The following FKTN variants were observed in gnomAD, a reference collection of about 807,000 sequenced individuals.
FKTN encodes fukutin.
Under a neutral mutation model 58.6 loss-of-function variants are expected in FKTN, and 47 were observed. The observed-to-expected ratio is 0.80, with a 90% CI of 0.63 to 1.02. The LOEUF (loss-of-function observed/expected upper bound fraction) is 1.02, where lower values mean the gene tolerates loss of function less well. Ranked by LOEUF, FKTN falls within the 50% of genes least tolerant of loss-of-function variation. The pLI is 0.00. For missense variants in FKTN, 516 were observed against 537.3 expected (o/e 0.96, Z 0.39); for synonymous variants, 178 against 191.9 (o/e 0.93, Z 0.60).
intron 3 of FKTN, among the ~76,000 whole-genome samples, chr9:105,575,544 G>C (rs763093373): frequency 6.6e-6 from 1 of 152,118 alleles, no homozygotes; most frequent in Non-Finnish European, 1.5e-5. Context: ...TAGGAATAAA[G>C]TAGAGACAAT....
rs1412856320 is a variant in FKTN at position 105,638,325 on chromosome 9, G to A, written c.*3061G>A. On this transcript the variant is annotated 3_prime_UTR_variant, in exon 11 of 11. Coordinates refer to ENST00000357998, the MANE Select transcript of FKTN (RefSeq NM_001079802.2). ...TTTGTTCAGATTGAGAACCTAAGGCGACAGAGAGGTCAAGGGGAAGTATTT... is the reference window on the plus strand; with the variant it reads ...TTTGTTCAGATTGAGAACCTAAGGCAACAGAGAGGTCAAGGGGAAGTATTT... 21 of 985,270 alleles carry A rather than the reference G, an allele frequency of 2.1e-5. No homozygotes were observed. Among genetic ancestry groups the A allele is most frequent in the Non-Finnish European group, 2.2e-5 (18 of 829,924 alleles). The allele number at this position is 985,270 out of a possible 1,614,324, so 61.0% of individuals were successfully genotyped here. A position where few individuals can be genotyped will look rare whatever the true frequency, so the allele number is the denominator to read the frequency against.
At chr9:105,610,450 A>T (rs1327215300) in intron 7 of FKTN, among the ~76,000 whole-genome samples, 1 of 152,012 alleles carries the variant, frequency 6.6e-6, no homozygotes, top group East Asian at 1.9e-4. Context: ...CTCCCTTTTC[A>T]AATCGTGAGA....
intron 3 of FKTN, among the ~76,000 whole-genome samples, chr9:105,587,240 A>T (rs1238160316): frequency 6.6e-6 from 1 of 152,026 alleles, no homozygotes. Flanking sequence ...CCACTTATAG[A>T]ATTGGGTGCT....
chr9:105,566,613 A>T (rs1374141625), intron 1 of FKTN, among the ~76,000 whole-genome samples: 1 of 152,206 alleles, frequency 6.6e-6, no homozygotes, highest in African/African-American at 2.4e-5. Flanking sequence ...TGAATCTCTG[A>T]ATAGACCAAT....
intron 10 of FKTN, among the ~76,000 whole-genome samples, chr9:105,623,747 T>A (rs1483148047): frequency 6.6e-6 from 1 of 152,156 alleles, no homozygotes; most frequent in East Asian, 1.9e-4. Flanking sequence ...CTCTTAAGGA[T>A]CTCATGATCT....
intron 7 of FKTN, among the ~76,000 whole-genome samples, chr9:105,612,195 G>A (rs559312516): frequency 3.3e-4 from 50 of 151,972 alleles, no homozygotes; most frequent in African/African-American, 1.0e-3. Flanking sequence ...GTGTCTGTTC[G>A]TGTCCTTCAC....
intron 3 of FKTN, among the ~76,000 whole-genome samples, chr9:105,595,159 T>C (rs1425953021): frequency 1.3e-5 from 2 of 152,086 alleles, no homozygotes; most frequent in East Asian, 1.9e-4. Flanking sequence ...AGTGTTATGA[T>C]TGGGGCTGAG....
intron 3 of FKTN, among the ~76,000 whole-genome samples, chr9:105,592,577 C>T (rs930573629): frequency 3.9e-5 from 6 of 152,090 alleles, no homozygotes; most frequent in South Asian, 4.2e-4. Flanking sequence ...GCAGAGGTTG[C>T]AGTGAGCCAC....
At chr9:105,577,206 C>T (rs2132070077) in intron 3 of FKTN, among the ~76,000 whole-genome samples, 1 of 150,974 alleles carries the variant, frequency 6.6e-6, no homozygotes, top group East Asian at 1.9e-4. Flanking sequence ...TCTTTTGTTG[C>T]TATTGCTTTT....
intron 10 of FKTN, among the ~76,000 whole-genome samples, chr9:105,628,300 A>G (rs540085523): frequency 6.6e-6 from 1 of 152,268 alleles, no homozygotes; most frequent in East Asian, 1.9e-4. Context: ...CCTTAATTAT[A>G]CCTCCAAACC....
At position 105,639,361 on chromosome 9, in the gene FKTN, T is replaced by G; in HGVS notation, c.*4097T>G. The G allele has an allele frequency of 1.1e-6, 1 of 893,298 alleles. No homozygotes were observed. The highest frequency in any genetic ancestry group is 1.3e-6 in the Non-Finnish European group (1 of 745,796). 55.3% of individuals were successfully genotyped at this position (893,298 alleles called of 1,614,324 possible). ...CACAAGCTTTTGAGTTAGGCCTGAA[T>G]TTGAATTTCAGCTTAATCATGTGGG... On this transcript the variant is annotated 3_prime_UTR_variant, in exon 11 of 11. Transcript: ENST00000357998.
At chr9:105,616,155 CA>C (rs1830764794) in intron 8 of FKTN, among the ~76,000 whole-genome samples, 1 of 152,160 alleles carries the variant, frequency 6.6e-6, no homozygotes, top group African/African-American at 2.4e-5. Flanking sequence ...CGTGGTTGTC[CA>C]CAGGTAACTG....
At chr9:105,559,438 T>C (rs1326803674) in intron 1 of FKTN, among the ~76,000 whole-genome samples, 1 of 152,292 alleles carries the variant, frequency 6.6e-6, no homozygotes, top group East Asian at 1.9e-4. Flanking sequence ...TCCCAGCACT[T>C]TGGGAGGCTG....
At chr9:105,571,626 A>C (rs1840749843) in intron 1 of FKTN, among the ~76,000 whole-genome samples, 1 of 152,172 alleles carries the variant, frequency 6.6e-6, no homozygotes, top group Non-Finnish European at 1.5e-5. Flanking sequence ...CCCATTTATT[A>C]ATTTGGGCTT....
intron 1 of FKTN, among the ~76,000 whole-genome samples, chr9:105,563,603 G>GC (rs199634421): frequency 2.6e-5 from 4 of 152,110 alleles, no homozygotes; most frequent in South Asian, 4.2e-4. Context: ...GAGGCTGGGG[G>GC]GGGGGGCACC....
rs778337161 is a variant in FKTN, at chr9:105,635,517, T to C, written c.*253T>C. 6 of 1,358,528 alleles carry C rather than the reference T, an allele frequency of 4.4e-6. No individual in the cohort carries two copies. Among genetic ancestry groups the C allele is most frequent in the Non-Finnish European group, 5.7e-6 (6 of 1,054,484 alleles). The allele number at this position is 1,358,528 out of a possible 1,614,324, so 84.2% of individuals were successfully genotyped here. A position where few individuals can be genotyped will look rare whatever the true frequency, so the allele number is the denominator to read the frequency against. On this transcript the variant is annotated 3_prime_UTR_variant, in exon 11 of 11. Transcript: ENST00000357998. ...AAATACCTACTTCTTTTATTCCTCC[T>C]TTTGGTAAACAACTCAATTTTCCTT...
intron 10 of FKTN, among the ~76,000 whole-genome samples, chr9:105,620,788 T>TAGTAGC (rs1055468526): frequency 2.0e-5 from 3 of 150,248 alleles, no homozygotes; most frequent in Admixed American, 6.6e-5. Context: ...GTAGTAGTAG[T>TAGTAGC]AGTAGTAGTA....
rs1327674171 is a variant in FKTN, at chr9:105,631,006, G to A, written c.1173-4045G>A. ...AAATTAGCCAGGTGTGGTGGTGTGC[G>A]CCTGTAATCCCAGCCACTCCAGAGG... On this transcript the variant is annotated intron_variant, in intron 10 of 10. Coordinates refer to ENST00000357998, the MANE Select transcript of FKTN (RefSeq NM_001079802.2). 1.2e-4 allele frequency among the ~76,000 whole-genome samples: 19 copies of A among 152,154 alleles called. No homozygotes were observed. The East Asian group carries it at 3.3e-3, about 26-fold the overall frequency.
chr9:105,631,600 G>A (rs1483023148), intron 10 of FKTN, among the ~76,000 whole-genome samples: 1 of 152,004 alleles, frequency 6.6e-6, no homozygotes, highest in African/African-American at 2.4e-5. Context: ...ATCAAAAAGT[G>A]GGTGAAGGAC....
Sources: gnomAD v4.1 joint callset for allele counts (sites outside exome capture counted in the v4.1 genomes callset) on GRCh38, gnomAD v4.1.1 for gene constraint, MANE v1.5 for transcripts, NCBI Gene and HGNC (gene_info 2026-07-23, HGNC 2026-07-21) for gene names.